The following EPG5 variants were observed in gnomAD, a reference collection of about 807,000 sequenced individuals.
EPG5 encodes ectopic P-granules 5 autophagy tethering factor.
A neutral mutation model predicts 302.7 loss-of-function variants in EPG5; 159 were observed. The ratio of observed to expected loss-of-function variants is 0.53; its 90% CI spans 0.46 to 0.60. The LOEUF is 0.60. Among genes scored for constraint, EPG5 ranks in the 20% least tolerant of loss-of-function variants. EPG5 has a pLI of 0.00. For synonymous variants in EPG5, 1,158 were observed against 1,136.8 expected (o/e 1.02, Z -0.37); for missense variants, 2,896 against 3,092.4 (o/e 0.94, Z 1.51).
chr18:45,808,850 G>A, the EPG5 span, among the ~76,000 whole-genome samples: 669 of 151,982 alleles, frequency 4.4e-3, 6 homozygotes, highest in Admixed American at 0.011. Flanking sequence ...AGGTATACAG[G>A]CAACAAATAG....
At chr18:45,807,920 T>G in the EPG5 span, among the ~76,000 whole-genome samples, 1 of 152,136 alleles carries the variant, frequency 6.6e-6, no homozygotes, top group Admixed American at 6.5e-5. Context: ...GGTTAGTTAT[T>G]AAGCTAATTA....
chr18:45,933,993 A>T (rs1362968110), intron 11 of EPG5, among the ~76,000 whole-genome samples: 1 of 152,158 alleles, frequency 6.6e-6, no homozygotes, highest in Non-Finnish European at 1.5e-5. Flanking sequence ...TAATTTTGTT[A>T]TAAGTAAATA....
chr18:45,801,085 G>A, the EPG5 span, among the ~76,000 whole-genome samples: 1 of 152,118 alleles, frequency 6.6e-6, no homozygotes, highest in African/African-American at 2.4e-5. Context: ...CACCCAGGCT[G>A]GAGTGCAGTG....
At chr18:45,950,911 T>C (rs2050893318) in intron 4 of EPG5, among the ~76,000 whole-genome samples, 191 bp downstream of exon 4, 1 of 152,204 alleles carries the variant, frequency 6.6e-6, no homozygotes, top group African/African-American at 2.4e-5. Context: ...GAGAGAAACA[T>C]ACTTTGTGCT....
At chr18:45,911,285 G>A (rs2049892666) in intron 22 of EPG5, among the ~76,000 whole-genome samples, 1 of 147,936 alleles carries the variant, frequency 6.8e-6, no homozygotes, top group South Asian at 2.1e-4. Context: ...CACTGCGCTG[G>A]GTTGTTTTTT....
At chr18:45,912,111 AG>A (rs1373164127) in intron 22 of EPG5, among the ~76,000 whole-genome samples, 178 bp downstream of exon 22, 1 of 151,940 alleles carries the variant, frequency 6.6e-6, no homozygotes, top group Non-Finnish European at 1.5e-5. Flanking sequence ...ACAAGACACC[AG>A]CAACTCAATA....
intron 41 of EPG5, 108 bp downstream of exon 41, chr18:45,858,457 AT>A: frequency 1.3e-6 from 1 of 783,878 alleles, no homozygotes; most frequent in South Asian, 1.8e-5. Flanking sequence ...TTAAAACCTT[AT>A]TTTTTATGCA....
In EPG5 at chr18:45,930,724, G is replaced by A. The variant is rs753457746; in HGVS notation, c.2364C>T (p.Thr788=). Residue 788 remains threonine, a synonymous_variant, in exon 12 of 44, where the codon ACC becomes ACT. Coordinates refer to ENST00000282041, the MANE Select transcript of EPG5 (RefSeq NM_020964.3). ...TTTTTATGAAGTCTTCGTCCACATT[G>A]GTTCTTCTGGCCTGAGCCATCTGAG... ...TFAQMAQARR[T]NVDEDFIKII... 3.7e-6 allele frequency: 6 copies of A among 1,607,422 alleles called. No individual in the cohort carries two copies. In the Admixed American group the frequency reaches 6.8e-5, roughly 18 times the overall value.
intron 23 of EPG5, 90 bp from the exon 24 acceptor site, chr18:45,908,171 C>A: frequency 9.6e-7 from 1 of 1,043,828 alleles, no homozygotes; most frequent in Non-Finnish European, 1.3e-6. Flanking sequence ...GGCACCCCTA[C>A]ATAAGAGTAA....
At chr18:45,831,699 T>A in the EPG5 span, among the ~76,000 whole-genome samples, 1 of 151,802 alleles carries the variant, frequency 6.6e-6, no homozygotes, top group Non-Finnish European at 1.5e-5. Flanking sequence ...TGGTCCAACA[T>A]GCTAAATTGA....
At chr18:45,920,574 C>T (rs901447070) in intron 16 of EPG5, among the ~76,000 whole-genome samples, 1 of 152,176 alleles carries the variant, frequency 6.6e-6, no homozygotes, top group Non-Finnish European at 1.5e-5. Context: ...AGAAGGCCAA[C>T]GGGAGCTGGC....
chr18:45,881,695 A>C (rs1386608590), intron 31 of EPG5, among the ~76,000 whole-genome samples: 1 of 152,220 alleles, frequency 6.6e-6, no homozygotes, highest in Non-Finnish European at 1.5e-5. Context: ...CTAAACTCTA[A>C]AATTGCTATA....
the EPG5 span, chr18:45,838,877 G>C: frequency 4.7e-5 from 75 of 1,590,350 alleles, 1 homozygote; most frequent in East Asian, 1.6e-3. Flanking sequence ...GAGGGTCACG[G>C]CCACCTAGTG....
intron 12 of EPG5, 146 bp downstream of exon 12, chr18:45,930,530 G>A (rs1599596538): frequency 1.8e-6 from 1 of 555,536 alleles, no homozygotes. Context: ...GCAAAATAAT[G>A]TTCCACTGAT....
At chr18:45,944,887 T>C (rs1454404025) in intron 7 of EPG5, among the ~76,000 whole-genome samples, 1 of 152,224 alleles carries the variant, frequency 6.6e-6, no homozygotes, top group East Asian at 1.9e-4. Flanking sequence ...GTGACTAAAG[T>C]TCTGTTGTCA....
At chr18:45,888,300 ATTTT>A (rs1292276862) in intron 28 of EPG5, among the ~76,000 whole-genome samples, 1 of 148,882 alleles carries the variant, frequency 6.7e-6, no homozygotes, top group Non-Finnish European at 1.5e-5. Context: ...TATTTATTTT[ATTTT>A]ATTTATTTAT....
Position 45,882,409 on chromosome 18 carries a change from C to A in EPG5, c.5383G>T (p.Ala1795Ser), listed in dbSNP as rs369731452. 7.0e-5 allele frequency: 113 copies of A among 1,614,114 alleles called. No homozygotes were observed. The highest frequency in any genetic ancestry group is 9.5e-5 in the Non-Finnish European group (112 of 1,180,032). The change falls in exon 31 of 44, where the codon GCA becomes TCA. Residue 1795 changes from alanine to serine, a missense_variant. By Grantham distance (99) the Ala-to-Ser change is moderately conservative. Transcript: ENST00000282041. ...RTRLLESIHL[A>S]LTAWGLEPDE... is the part of the protein sequence containing the mutation. The stretch of plus-strand genomic sequence containing the variant: ...GGTTCAAGGCCCCAGGCAGTAAGTG[C>A]CAAGTGAATGGACTCCAGAAGCCTG...
the EPG5 span, chr18:45,838,744 G>A: frequency 7.0e-5 from 111 of 1,583,194 alleles, no homozygotes; most frequent in East Asian, 1.6e-3. Flanking sequence ...CAACATCTCG[G>A]TGCTGCCCAG....
rs1450634952 is a variant in EPG5 at position 45,908,083 on chromosome 18, T to TA, written c.4206-3dup. 3 of 1,505,742 alleles carry TA rather than the reference T, an allele frequency of 2.0e-6. No homozygotes were observed. The East Asian group carries it at 7.0e-5, about 35-fold the overall frequency. The allele number at this position is 1,505,742 out of a possible 1,614,324, so 93.3% of individuals were successfully genotyped here. A position where few individuals can be genotyped will look rare whatever the true frequency, so the allele number is the denominator to read the frequency against. On this transcript the variant is annotated splice_polypyrimidine_tract_variant and splice_region_variant and intron_variant, in intron 23 of 43. Transcript: ENST00000282041. ...CATAATATATATACATTGAAGAGCC[T>TA]AAAAGATAAAAACATAATTATACGA...
Sources: gnomAD v4.1 joint callset for allele counts (sites outside exome capture counted in the v4.1 genomes callset) on GRCh38, gnomAD v4.1.1 for gene constraint, MANE v1.5 for transcripts, NCBI Gene and HGNC (gene_info 2026-07-23, HGNC 2026-07-21) for gene names.